ADCY10: variants seen among roughly 807,000 people sequenced by gnomAD.
The protein encoded by ADCY10 is adenylate cyclase type 10.
ADCY10 carries 156 observed loss-of-function variants against 183.3 expected under a neutral mutation model. The ratio of observed to expected loss-of-function variants is 0.85; its 90% CI spans 0.75 to 0.97. The LOEUF (loss-of-function observed/expected upper bound fraction) is 0.97. ADCY10 is among the 50% of genes least tolerant of loss of function. The probability of loss-of-function intolerance (pLI) is 0.00; values close to 1 mark genes in which losing one functional copy is unlikely to be tolerated. For missense variants in ADCY10, 1,745 were observed against 1,934.3 expected, an observed-to-expected ratio of 0.90 and a Z score of 1.84; for synonymous variants, 645 against 670.0, an observed-to-expected ratio of 0.96 and a Z score of 0.58.
rs761663650 is a variant in ADCY10 at position 167,902,006 on chromosome 1, GC to G, written c.292+9del. The G allele has an allele frequency of 1.9e-6, 3 of 1,612,166 alleles. No homozygotes were observed. The highest frequency in any genetic ancestry group is 2.2e-5 in the South Asian group (2 of 91,016). On this transcript the variant is annotated intron_variant, in intron 4 of 32. Coordinates refer to ENST00000367851, the MANE Select transcript of ADCY10 (RefSeq NM_018417.6). ...TTTCTTACCCCTTCTATCTTAGTAA[GC>G]CCCCATACCTGCAAATTTCAGGATG...
At chr1:167,873,208 G>C (rs956911421) in intron 13 of ADCY10, among the ~76,000 whole-genome samples, 1 of 152,140 alleles carries the variant, frequency 6.6e-6, no homozygotes, top group African/African-American at 2.4e-5. Context: ...GAAAAGTAAG[G>C]CCTCTGAGGA....
chr1:167,859,066 T>C (rs980959038), intron 16 of ADCY10, among the ~76,000 whole-genome samples: 8 of 152,090 alleles, frequency 5.3e-5, no homozygotes, highest in Non-Finnish European at 4.4e-5. Context: ...TTGCTACTAA[T>C]GAAATCAAGG....
chr1:167,868,824 A>C (rs1465569807), intron 14 of ADCY10, among the ~76,000 whole-genome samples: 1 of 152,232 alleles, frequency 6.6e-6, no homozygotes, highest in African/African-American at 2.4e-5. Flanking sequence ...AAGATGGCTC[A>C]TGGGTATACC....
At chr1:167,813,882 C>T (rs906881731) in intron 31 of ADCY10, among the ~76,000 whole-genome samples, 2 of 151,950 alleles carry the variant, frequency 1.3e-5, no homozygotes, top group African/African-American at 2.4e-5. Flanking sequence ...GGGTGGGAAG[C>T]TATTAAAGGA....
At chr1:167,895,309 T>C (rs1420008770) in intron 7 of ADCY10, among the ~76,000 whole-genome samples, 1 of 152,028 alleles carries the variant, frequency 6.6e-6, no homozygotes, top group Non-Finnish European at 1.5e-5. Context: ...GAGTGGGTAA[T>C]GTCATGAGGC....
intron 12 of ADCY10, 80 bp downstream of exon 12, chr1:167,878,366 T>C: frequency 1.1e-5 from 16 of 1,514,130 alleles, no homozygotes; most frequent in Non-Finnish European, 1.5e-5. Flanking sequence ...CTCCAAATCT[T>C]AAATGGGTGA....
chr1:167,885,196 A>G (rs1668140135), intron 8 of ADCY10, among the ~76,000 whole-genome samples: 1 of 152,132 alleles, frequency 6.6e-6, no homozygotes, highest in Admixed American at 6.5e-5. Flanking sequence ...CTGTTGATGG[A>G]CACTTAAGCT....
intron 13 of ADCY10, among the ~76,000 whole-genome samples, chr1:167,871,207 T>C (rs1667082933): frequency 6.6e-6 from 1 of 152,210 alleles, no homozygotes; most frequent in Non-Finnish European, 1.5e-5. Flanking sequence ...TTTCTGATTC[T>C]GTGATAAAGG....
intron 1 of ADCY10, among the ~76,000 whole-genome samples, chr1:167,910,119 G>A (rs770137683): frequency 2.0e-5 from 3 of 152,180 alleles, no homozygotes; most frequent in Non-Finnish European, 4.4e-5. Context: ...GCTCCCAGCC[G>A]AATAAAGCCT....
At chr1:167,854,121 A>G (rs952664971) in intron 18 of ADCY10, among the ~76,000 whole-genome samples, 1 of 152,094 alleles carries the variant, frequency 6.6e-6, no homozygotes, top group Non-Finnish European at 1.5e-5. Context: ...TTTAGGCGTG[A>G]GCCACCGCGC....
intron 13 of ADCY10, among the ~76,000 whole-genome samples, chr1:167,872,490 T>TA (rs566992234): frequency 1.8e-4 from 27 of 152,216 alleles, no homozygotes; most frequent in Admixed American, 5.2e-4. Flanking sequence ...ATTGTCTCCT[T>TA]AACTTGAAAT....
At chr1:167,834,177 G>T in intron 23 of ADCY10, 100 bp from the exon 24 acceptor site, 1 of 875,546 alleles carries the variant, frequency 1.1e-6, no homozygotes, top group Non-Finnish European at 1.9e-6. Flanking sequence ...AGATGCAGGA[G>T]CCATTTCAGT....
At chr1:167,820,313 G>C (rs1325315730) in intron 30 of ADCY10, 2 of 1,115,458 alleles carry the variant, frequency 1.8e-6, no homozygotes, top group Non-Finnish European at 2.5e-6. Flanking sequence ...CTCTGGGAAG[G>C]GGACTAGCCG....
intron 31 of ADCY10, among the ~76,000 whole-genome samples, chr1:167,814,375 GAAT>G (rs1254957021): frequency 2.0e-5 from 3 of 151,228 alleles, no homozygotes; most frequent in African/African-American, 7.3e-5. Context: ...AAGAGGCAAA[GAAT>G]AATATATTAA....
intron 17 of ADCY10, 99 bp from the exon 18 acceptor site, chr1:167,854,588 C>A: frequency 7.0e-7 from 1 of 1,434,532 alleles, no homozygotes; most frequent in South Asian, 1.2e-5. Flanking sequence ...AATTTCTTGT[C>A]ATTCTTCATT....
At chr1:167,888,587 G>A (rs1222216433) in intron 8 of ADCY10, among the ~76,000 whole-genome samples, 1 of 152,066 alleles carries the variant, frequency 6.6e-6, no homozygotes, top group Non-Finnish European at 1.5e-5. Flanking sequence ...TAGAAATGCT[G>A]ATTTTTGGGC....
intron 12 of ADCY10, among the ~76,000 whole-genome samples, chr1:167,878,096 C>T (rs1373039822): frequency 2.6e-5 from 4 of 152,146 alleles, no homozygotes; most frequent in Admixed American, 6.5e-5. Context: ...AACAATGCCT[C>T]GGCATACAGT....
chr1:167,864,506 T>C (rs935200879), intron 14 of ADCY10, among the ~76,000 whole-genome samples: 7 of 152,020 alleles, frequency 4.6e-5, no homozygotes, highest in Non-Finnish European at 1.0e-4. Context: ...CAATTACAGC[T>C]GGTTTTAGAC....
At chr1:167,838,188 T>C (rs545849652) in intron 21 of ADCY10, among the ~76,000 whole-genome samples, 1 of 152,356 alleles carries the variant, frequency 6.6e-6, no homozygotes, top group East Asian at 1.9e-4. Flanking sequence ...CTTGCCTCCA[T>C]AGATAAGTAC....
Sources: gnomAD v4.1 joint callset for allele counts (sites outside exome capture counted in the v4.1 genomes callset) on GRCh38, gnomAD v4.1.1 for gene constraint, MANE v1.5 for transcripts, NCBI Gene and HGNC (gene_info 2026-07-23, HGNC 2026-07-21) for gene names.